DMRT1: variants seen among roughly 807,000 people sequenced by gnomAD.
The protein encoded by DMRT1 is doublesex and mab-3 related transcription factor 1.
DMRT1 carries 7 observed loss-of-function variants against 32.3 expected under a neutral mutation model. The observed-to-expected ratio is 0.22, with a 90% CI of 0.12 to 0.41. The LOEUF (loss-of-function observed/expected upper bound fraction) is 0.41. Ranked by LOEUF, DMRT1 falls within the 10% of genes least tolerant of loss-of-function variation. The pLI is 1.00. For synonymous variants in DMRT1, 278 were observed against 206.1 expected (o/e 1.35, Z -2.99); for missense variants, 625 against 500.5 (o/e 1.25, Z -2.37).
intron 4 of DMRT1, among the ~76,000 whole-genome samples, chr9:930,750 T>C (rs768451570): frequency 6.1e-5 from 9 of 147,052 alleles, no homozygotes; most frequent in Non-Finnish European, 1.2e-4. Flanking sequence ...TGCTATGTTG[T>C]CTAGGCTGGT....
chr9:856,113 C>A (rs1439670335), intron 2 of DMRT1, among the ~76,000 whole-genome samples: 2 of 152,116 alleles, frequency 1.3e-5, no homozygotes, highest in East Asian at 3.9e-4. Context: ...GACGAGGTTT[C>A]ACCATGTTGG....
chr9:957,027 T>TG (rs1311296998), intron 4 of DMRT1, among the ~76,000 whole-genome samples: 1 of 152,178 alleles, frequency 6.6e-6, no homozygotes, highest in Non-Finnish European at 1.5e-5. Context: ...AGCTGAGGCT[T>TG]GGGGTATGAA....
intron 3 of DMRT1, among the ~76,000 whole-genome samples, chr9:909,217 G>A (rs527774514): frequency 2.0e-5 from 3 of 152,282 alleles, no homozygotes; most frequent in Admixed American, 6.5e-5. Context: ...GGTTTTCGCT[G>A]TGGGAATCTG....
chr9:843,719 G>A (rs1838788926), intron 1 of DMRT1, among the ~76,000 whole-genome samples: 1 of 152,202 alleles, frequency 6.6e-6, no homozygotes, highest in African/African-American at 2.4e-5. Context: ...AGAAATGTTT[G>A]CTAACGATGT....
intron 3 of DMRT1, among the ~76,000 whole-genome samples, chr9:901,908 GC>G (rs1169843358): frequency 8.8e-6 from 1 of 114,106 alleles, no homozygotes; most frequent in African/African-American, 3.6e-5. Context: ...AGTGAAACTA[GC>G]CCTTTTTTTT....
At chr9:844,988 C>T (rs1838845892) in intron 1 of DMRT1, among the ~76,000 whole-genome samples, 1 of 151,836 alleles carries the variant, frequency 6.6e-6, no homozygotes, top group African/African-American at 2.4e-5. Flanking sequence ...TCCCAGAGTG[C>T]TGGGATTACA....
intron 4 of DMRT1, among the ~76,000 whole-genome samples, chr9:919,935 A>C (rs1339773801): frequency 6.6e-6 from 1 of 152,222 alleles, no homozygotes; most frequent in Non-Finnish European, 1.5e-5. Context: ...TGACCTGACC[A>C]ATTGGTATTT....
At chr9:884,212 C>T (rs974838023) in intron 2 of DMRT1, among the ~76,000 whole-genome samples, 3 of 152,118 alleles carry the variant, frequency 2.0e-5, no homozygotes, top group Admixed American at 6.6e-5. Context: ...GGCAAGCCTT[C>T]ACCCACCTTA....
intron 2 of DMRT1, among the ~76,000 whole-genome samples, chr9:861,645 G>A (rs956005704): frequency 1.3e-5 from 2 of 152,048 alleles, no homozygotes; most frequent in Admixed American, 1.3e-4. Context: ...CAGCGGCCGG[G>A]CAGAGGGGCT....
chr9:934,036 A>T (rs1818808597), intron 4 of DMRT1, among the ~76,000 whole-genome samples: 1 of 148,170 alleles, frequency 6.7e-6, no homozygotes, highest in African/African-American at 2.5e-5. Context: ...AAAAAAAAAA[A>T]GATGATGAAA....
In DMRT1 at chr9:894,073, G is replaced by T. The variant is rs574403004; in HGVS notation, c.700G>T (p.Ala234Ser). 1.9e-6 allele frequency: 3 copies of T among 1,614,222 alleles called. No individual in the cohort carries two copies. In the African/African-American group the frequency reaches 4.0e-5, roughly 22 times the overall value. Residue 234 changes from alanine (A) to serine (S), a missense_variant, in exon 3 of 5, where the codon GCC (alanine) becomes TCC (serine). Coordinates refer to ENST00000382276, the MANE Select transcript of DMRT1 (RefSeq NM_021951.3). The part of the protein sequence containing the change: ...NLYNCPQYSM[A>S]LAADSASGEV... ...ATACAACTGCCCGCAGTACTCCATG[G>T]CCTTGGCTGCTGATTCTGCTTCTGG...
At chr9:883,172 C>T (rs1378139672) in intron 2 of DMRT1, among the ~76,000 whole-genome samples, 2 of 151,932 alleles carry the variant, frequency 1.3e-5, no homozygotes, top group African/African-American at 2.4e-5. Flanking sequence ...CAAGCCCGCT[C>T]CTATCTTTAA....
chr9:857,669 A>C (rs1282102395), intron 2 of DMRT1, among the ~76,000 whole-genome samples: 1 of 151,782 alleles, frequency 6.6e-6, no homozygotes, highest in East Asian at 1.9e-4. Context: ...GTACATGTGC[A>C]CAACGTGCAG....
chr9:945,224 G>A (rs1475069289), intron 4 of DMRT1, among the ~76,000 whole-genome samples: 1 of 152,034 alleles, frequency 6.6e-6, no homozygotes, highest in African/African-American at 2.4e-5. Context: ...CTCAATCTCA[G>A]CTCACTGCAA....
intron 4 of DMRT1, among the ~76,000 whole-genome samples, chr9:955,672 C>G (rs564871637): frequency 6.6e-6 from 1 of 152,216 alleles, no homozygotes; most frequent in South Asian, 2.1e-4. Context: ...TGCCACTGCA[C>G]TGTCGGGCTG....
chr9:952,506 G>A (rs1438046539), intron 4 of DMRT1, among the ~76,000 whole-genome samples: 1 of 152,208 alleles, frequency 6.6e-6, no homozygotes, highest in Non-Finnish European at 1.5e-5. Context: ...TTCCCAGGAA[G>A]CTTGCGCCTA....
At chr9:874,325 T>A (rs1457158874) in intron 2 of DMRT1, among the ~76,000 whole-genome samples, 1 of 152,216 alleles carries the variant, frequency 6.6e-6, no homozygotes, top group Non-Finnish European at 1.5e-5. Context: ...TCATAGCGCC[T>A]TCATCTAATA....
At chr9:847,359 A>G (rs1322643004) in intron 2 of DMRT1, among the ~76,000 whole-genome samples, 2 of 152,208 alleles carry the variant, frequency 1.3e-5, no homozygotes, top group African/African-American at 2.4e-5. Context: ...CCTGTTGGTT[A>G]TTAGTCAAGA....
At chr9:868,750 C>T (rs769539096) in intron 2 of DMRT1, among the ~76,000 whole-genome samples, 4 of 152,206 alleles carry the variant, frequency 2.6e-5, no homozygotes, top group Non-Finnish European at 5.9e-5. Flanking sequence ...TGGCTCATGC[C>T]TATAATCCCA....
Sources: allele counts gnomAD v4.1 joint callset (sites outside exome capture counted in the v4.1 genomes callset), GRCh38; gene constraint gnomAD v4.1.1; transcripts MANE v1.5; gene names NCBI Gene and HGNC (gene_info 2026-07-23, HGNC 2026-07-21).